CARHSP1: variants seen among roughly 807,000 people sequenced by gnomAD.
CARHSP1 encodes the protein calcium regulated heat stable protein 1, also known as calcium-regulated heat-stable protein 1.
Under a neutral mutation model 12.5 loss-of-function variants are expected in CARHSP1, and 14 were observed. That is an observed-to-expected ratio of 1.12 (90% CI 0.74 to 1.75). The LOEUF (loss-of-function observed/expected upper bound fraction) is 1.75. Among genes scored for constraint, CARHSP1 ranks in the 40% most tolerant of loss-of-function variants. The probability of loss-of-function intolerance (pLI) is 0.00; values close to 1 mark genes in which losing one functional copy is unlikely to be tolerated. For missense variants in CARHSP1, 343 were observed against 201.6 expected, an observed-to-expected ratio of 1.70 and a Z score of -4.25; for synonymous variants, 161 against 82.0, an observed-to-expected ratio of 1.96 and a Z score of -5.20.
At chr16:8,858,661 CTT>C (rs1185671447) in intron 2 of CARHSP1, 189 bp from the exon 3 acceptor site, 6 of 683,140 alleles carry the variant, frequency 8.8e-6, no homozygotes, top group Middle Eastern at 4.3e-4. Context: ...GGAAAGGACT[CTT>C]TGGATGACCC....
At chr16:8,862,019 A>ATTTTTTTTTTTTTTTTTTTT (rs1555457429) in intron 1 of CARHSP1, among the ~76,000 whole-genome samples, 117 of 72,492 alleles carry the variant, frequency 1.6e-3, no homozygotes, top group Admixed American at 2.1e-3. Flanking sequence ...TTTTTTTTTA[A>ATTTTTTTTTTTTTTTTTTTT]TTTGAGATGG....
At chr16:8,858,725 A>AAAACATCACTGAACATCCCTCCAG in intron 2 of CARHSP1, 1 of 516,400 alleles carries the variant, frequency 1.9e-6, no homozygotes, top group Non-Finnish European at 3.4e-6. Flanking sequence ...GAGTTGAACT[A>AAAACATCACTGAACATCCCTCCAG]AAACATCACT....
intron 3 of CARHSP1, among the ~76,000 whole-genome samples, chr16:8,855,903 T>G (rs1404588595): frequency 6.6e-6 from 1 of 152,166 alleles, no homozygotes; most frequent in Non-Finnish European, 1.5e-5. Flanking sequence ...GCTTACTGCA[T>G]CCACCTCCCG....
chr16:8,858,896 G>C, intron 2 of CARHSP1: 1 of 428,576 alleles, frequency 2.3e-6, no homozygotes, highest in South Asian at 4.7e-5. Flanking sequence ...CAGGGAACCA[G>C]ACTCTCATGT....
chr16:8,856,952 T>A (rs1016259288), intron 3 of CARHSP1, among the ~76,000 whole-genome samples: 1 of 152,088 alleles, frequency 6.6e-6, no homozygotes, highest in African/African-American at 2.4e-5. Context: ...TCAGTAAGCA[T>A]GCAGGAGGAG....
intron 3 of CARHSP1, 31 bp downstream of exon 3, chr16:8,858,319 G>C: frequency 6.2e-7 from 1 of 1,608,684 alleles, no homozygotes; most frequent in Non-Finnish European, 8.5e-7. Context: ...GCCCACCCCA[G>C]CCAGGCCACC....
At chr16:8,860,651 G>A (rs1452332727) in intron 1 of CARHSP1, 5 of 157,110 alleles carry the variant, frequency 3.2e-5, no homozygotes, top group African/African-American at 4.7e-5. Flanking sequence ...ATGAAGTAGG[G>A]AGAAGCCTAA....
chr16:8,864,689 C>T (rs542397109), intron 1 of CARHSP1, among the ~76,000 whole-genome samples: 1 of 152,326 alleles, frequency 6.6e-6, no homozygotes, highest in South Asian at 2.1e-4. Context: ...CAGTCAGCCC[C>T]CAGGCTCTGA....
In CARHSP1 at chr16:8,853,985, C is replaced by G. The variant is rs2061017995; in HGVS notation, c.*1179G>C. On this transcript the variant is annotated 3_prime_UTR_variant, in exon 4 of 4. Coordinates refer to ENST00000311052, the MANE Select transcript of CARHSP1 (RefSeq NM_014316.4). ...CCTGTAATCCCAGCTACTCAGGAGA[C>G]TGAGGCGGAATTGCCAGAACCCTGG... 6.6e-6 allele frequency: 1 copy of G among 152,158 alleles called. No individual in the cohort carries two copies. The highest frequency in any genetic ancestry group is 6.5e-5 in the Admixed American group (1 of 15,278). 9.4% of individuals were successfully genotyped at this position (152,158 alleles called of 1,614,324 possible).
At chr16:8,860,502 G>T in intron 1 of CARHSP1, 2 of 985,436 alleles carry the variant, frequency 2.0e-6, no homozygotes, top group Non-Finnish European at 2.4e-6. Flanking sequence ...AGGTTCAGGG[G>T]AAAGAGAAAC....
intron 1 of CARHSP1, among the ~76,000 whole-genome samples, chr16:8,863,112 CTTTTTTTTTTT>C (rs71155412): frequency 1.3e-4 from 10 of 74,144 alleles, no homozygotes; most frequent in African/African-American, 2.3e-4. Context: ...ACAAGGATGG[CTTTTTTTTTTT>C]TTTTTTTTTT....
intron 1 of CARHSP1, chr16:8,868,730 G>T (rs945550509): frequency 6.6e-6 from 1 of 152,016 alleles, no homozygotes; most frequent in Admixed American, 6.5e-5. Flanking sequence ...ACTACCCGAC[G>T]TCCGCCTAGA....
At position 8,855,254 on chromosome 16, in the gene CARHSP1, ATTC is replaced by A. The variant is rs1196638641; in HGVS notation, c.351_353del (p.Lys117del). 6.2e-7 allele frequency: 1 copy of A among 1,612,972 alleles called. No individual in the cohort carries two copies. The highest frequency in any genetic ancestry group is 8.5e-7 in the Non-Finnish European group (1 of 1,179,454). ...CGACCTCCACGGCCTGCAGCTTCTCATTCTTGGGTGGGATGGAGCACATTTTAT... is the reference window on the plus strand; with the variant it reads ...CGACCTCCACGGCCTGCAGCTTCTCATTGGGTGGGATGGAGCACATTTTAT... On this transcript the variant is annotated inframe_deletion, in exon 4 of 4. Transcript: ENST00000311052.
chr16:8,854,630 A>G lies in CARHSP1; in HGVS notation c.*534T>C, dbSNP rs1596518808. On this transcript the variant is annotated 3_prime_UTR_variant, in exon 4 of 4. Transcript: ENST00000311052. ...CGCCTTTCCCCACCCACTTCAAGCC[A>G]GCTCCCCTAGAACCAACCAAGCCAA... 6.8e-6 allele frequency: 1 copy of G among 146,962 alleles called. No homozygotes were observed. The highest frequency in any genetic ancestry group is 1.5e-5 in the Non-Finnish European group (1 of 66,160). The allele number at this position is 146,962 out of a possible 1,614,324, so 9.1% of individuals were successfully genotyped here. A position where few individuals can be genotyped will look rare whatever the true frequency, so the allele number is the denominator to read the frequency against.
chr16:8,868,488 G>T (rs113237374), intron 1 of CARHSP1: 40 of 150,556 alleles, frequency 2.7e-4, no homozygotes, highest in African/African-American at 9.5e-4. Context: ...GCGGCGCCAG[G>T]ACGGCTCCCC....
chr16:8,858,559 C>T, intron 2 of CARHSP1, 87 bp from the exon 3 acceptor site: 3 of 1,528,758 alleles, frequency 2.0e-6, no homozygotes, highest in Non-Finnish European at 1.8e-6. Context: ...AGCTGTGCCC[C>T]ATCAAGCCCT....
intron 3 of CARHSP1, among the ~76,000 whole-genome samples, chr16:8,856,370 C>T (rs1433028965): frequency 1.3e-5 from 2 of 152,156 alleles, no homozygotes; most frequent in African/African-American, 2.4e-5. Flanking sequence ...AGAGTGTTTC[C>T]CTCTTTGATC....
intron 2 of CARHSP1, chr16:8,858,764 C>G (rs1480489692): frequency 8.7e-6 from 4 of 457,228 alleles, no homozygotes; most frequent in African/African-American, 7.8e-5. Flanking sequence ...TAATGATTTA[C>G]TATTAATAAC....
chr16:8,860,092 G>C (rs760141323), intron 1 of CARHSP1: 33 of 975,546 alleles, frequency 3.4e-5, no homozygotes, highest in Admixed American at 1.2e-4. Flanking sequence ...GGGAAGCAGG[G>C]GCAAAAACTG....
Sources: allele counts gnomAD v4.1 joint callset (sites outside exome capture counted in the v4.1 genomes callset), GRCh38; gene constraint gnomAD v4.1.1; transcripts MANE v1.5; gene names NCBI Gene and HGNC (gene_info 2026-07-23, HGNC 2026-07-21).